Variants in SFT2D1 observed in about 807,000 individuals in gnomAD.
SFT2D1 encodes vesicle transport protein SFT2A.
In SFT2D1, 24 loss-of-function variants were observed where a neutral mutation model predicts 28.1. That is an observed-to-expected ratio of 0.85 (90% CI 0.62 to 1.20). The LOEUF is 1.20. SFT2D1 is among the 50% of genes most tolerant of loss of function. SFT2D1 has a pLI of 0.00. For synonymous variants in SFT2D1, 82 were observed against 73.7 expected (o/e 1.11, Z -0.58); for missense variants, 181 against 190.9 (o/e 0.95, Z 0.31).
At chr6:166,336,739 T>G (rs2114911611) in intron 1 of SFT2D1, among the ~76,000 whole-genome samples, 1 of 152,284 alleles carries the variant, frequency 6.6e-6, no homozygotes, top group South Asian at 2.1e-4. Context: ...TCAACTAATT[T>G]TTTAATTTTT....
chr6:166,328,110 T>G (rs1001156494), intron 4 of SFT2D1, among the ~76,000 whole-genome samples, 166 bp downstream of exon 4: 3 of 151,954 alleles, frequency 2.0e-5, no homozygotes, highest in Non-Finnish European at 2.9e-5. Context: ...ATATAATTAT[T>G]ATATTCAACA....
In SFT2D1 at chr6:166,324,312, A is replaced by T. The variant is rs1778405227; in HGVS notation, c.410+225T>A. On this transcript the variant is annotated intron_variant, in intron 6 of 7. Coordinates refer to ENST00000361731, the MANE Select transcript of SFT2D1 (RefSeq NM_145169.3). ...TTAGAAAAAAGCAGAACATATCACT[A>T]TGTAACTCTACGAGCACAGCACCCC... The T allele has an allele frequency of 2.0e-5, 9 of 455,792 alleles. No individual in the cohort carries two copies. In the East Asian group the frequency reaches 3.0e-4, roughly 15 times the overall value. 28.2% of individuals were successfully genotyped at this position (455,792 alleles called of 1,614,324 possible). A position where few individuals can be genotyped will look rare whatever the true frequency, so the allele number is the denominator to read the frequency against.
chr6:166,335,270 C>T, intron 1 of SFT2D1: 1 of 584,566 alleles, frequency 1.7e-6, no homozygotes, highest in South Asian at 1.4e-5. Flanking sequence ...GGCAGCTGTC[C>T]ACAGCGGTGG....
At chr6:166,320,819 A>G (rs1261787772) in intron 7 of SFT2D1, among the ~76,000 whole-genome samples, 1 of 152,200 alleles carries the variant, frequency 6.6e-6, no homozygotes, top group East Asian at 1.9e-4. Context: ...GCCCAGCCCA[A>G]AGATTTAATT....
At chr6:166,328,897 A>G (rs1778499879) in intron 3 of SFT2D1, among the ~76,000 whole-genome samples, 1 of 152,154 alleles carries the variant, frequency 6.6e-6, no homozygotes, top group Admixed American at 6.5e-5. Flanking sequence ...GGATTCTCAT[A>G]CTCCCAATAT....
At chr6:166,322,729 T>C in intron 7 of SFT2D1, 128 bp downstream of exon 7, 1 of 728,736 alleles carries the variant, frequency 1.4e-6, no homozygotes, top group Non-Finnish European at 2.2e-6. Flanking sequence ...TATTTCCTTT[T>C]AGGAAATTAA....
At chr6:166,330,477 T>C (rs1261369482) in intron 1 of SFT2D1, among the ~76,000 whole-genome samples, 1 of 152,198 alleles carries the variant, frequency 6.6e-6, no homozygotes. Context: ...TCTGATAATA[T>C]GTTTCACAAA....
chr6:166,322,728 T>C lies in SFT2D1; in HGVS notation c.440+129A>G, dbSNP rs182126237. The C allele has an allele frequency of 1.5e-4, 110 of 727,376 alleles. No individual in the cohort carries two copies. The African/African-American group carries it at 2.3e-3, about 15-fold the overall frequency. The allele number at this position is 727,376 out of a possible 1,614,324, so 45.1% of individuals were successfully genotyped here. A position where few individuals can be genotyped will look rare whatever the true frequency, so the allele number is the denominator to read the frequency against. Reference sequence around the variant, plus strand: ...AAAAAAAAAGTATGTTTATTTCCTTTTAGGAAATTAAAATCAACCAAAAAA... The same window carrying C: ...AAAAAAAAAGTATGTTTATTTCCTTCTAGGAAATTAAAATCAACCAAAAAA... On this transcript the variant is annotated intron_variant, in intron 7 of 7. Coordinates refer to ENST00000361731, the MANE Select transcript of SFT2D1 (RefSeq NM_145169.3).
chr6:166,330,030 A>G lies in SFT2D1; in HGVS notation c.150+131T>C, dbSNP rs1778521029. On this transcript the variant is annotated intron_variant, in intron 2 of 7. Coordinates refer to ENST00000361731, the MANE Select transcript of SFT2D1 (RefSeq NM_145169.3). ...TCATTGATCTCTACCCCTTTATTTTAGTTTAATAAATACCTTCCACCAAAA... is the reference window on the plus strand; with the variant it reads ...TCATTGATCTCTACCCCTTTATTTTGGTTTAATAAATACCTTCCACCAAAA... The G allele has an allele frequency of 5.0e-6, 3 of 604,544 alleles. No individual in the cohort carries two copies. The South Asian group carries it at 1.0e-4, about 21-fold the overall frequency. 37.4% of individuals were successfully genotyped at this position (604,544 alleles called of 1,614,324 possible). A position where few individuals can be genotyped will look rare whatever the true frequency, so the allele number is the denominator to read the frequency against.
chr6:166,332,314 G>A (rs978798575), intron 1 of SFT2D1, among the ~76,000 whole-genome samples: 3 of 152,172 alleles, frequency 2.0e-5, no homozygotes, highest in African/African-American at 7.2e-5. Context: ...TGTTGCTCAG[G>A]CGCCATCTCA....
chr6:166,334,957 T>C (rs1229470493), intron 1 of SFT2D1: 2 of 467,348 alleles, frequency 4.3e-6, no homozygotes, highest in Non-Finnish European at 8.2e-6. Flanking sequence ...TTGAACAGTA[T>C]GGAAAAACTG....
At chr6:166,324,002 C>A (rs1296059955) in intron 6 of SFT2D1, 2 of 147,196 alleles carry the variant, frequency 1.4e-5, no homozygotes, top group East Asian at 2.0e-4. Context: ...TGAGACTCTG[C>A]CTCAAAAAAA....
intron 5 of SFT2D1, 195 bp downstream of exon 5, chr6:166,325,937 T>C: frequency 1.6e-6 from 1 of 624,376 alleles, no homozygotes. Flanking sequence ...TGACTACCTC[T>C]ATGCTGTAGA....
chr6:166,331,193 A>G (rs1338169589), intron 1 of SFT2D1, among the ~76,000 whole-genome samples: 1 of 152,264 alleles, frequency 6.6e-6, no homozygotes, highest in Non-Finnish European at 1.5e-5. Context: ...CTAAAAAAGT[A>G]TCTATCAACA....
chr6:166,338,319 G>A (rs1456947421), intron 1 of SFT2D1, among the ~76,000 whole-genome samples: 5 of 152,104 alleles, frequency 3.3e-5, no homozygotes, highest in African/African-American at 1.2e-4. Flanking sequence ...TCATCTGTTT[G>A]TTCAACAAGT....
intron 7 of SFT2D1, among the ~76,000 whole-genome samples, chr6:166,321,951 T>C (rs1268580477): frequency 6.6e-6 from 1 of 152,234 alleles, no homozygotes; most frequent in Non-Finnish European, 1.5e-5. Flanking sequence ...TGGCACGATC[T>C]TGGCTCACTG....
chr6:166,324,826 T>TTA, intron 5 of SFT2D1: 1 of 506,006 alleles, frequency 2.0e-6, no homozygotes, highest in Non-Finnish European at 3.5e-6. Context: ...ATATATGACT[T>TTA]TAAATAAACG....
rs573018222 is a variant in SFT2D1 at position 166,329,204 on chromosome 6, A to T, written c.233+303T>A. Among the ~76,000 whole-genome samples the T allele has an allele frequency of 3.3e-5, 5 of 152,300 alleles. No individual in the cohort carries two copies. The East Asian group carries it at 9.6e-4, about 29-fold the overall frequency. ...CTGCTCTGTGCTATTATCTCCAGTT[A>T]TAAACGGGGATGATAATACTGCCTA... On this transcript the variant is annotated intron_variant, in intron 3 of 7. Transcript: ENST00000361731.
chr6:166,342,364 T>C, intron 1 of SFT2D1, 55 bp downstream of exon 1: 1 of 1,509,040 alleles, frequency 6.6e-7, no homozygotes, highest in Non-Finnish European at 8.9e-7. Context: ...CGGTCCTCAG[T>C]GCGGCCGGGG....
Sources: gnomAD v4.1 joint callset for allele counts (sites outside exome capture counted in the v4.1 genomes callset) on GRCh38, gnomAD v4.1.1 for gene constraint, MANE v1.5 for transcripts, NCBI Gene and HGNC (gene_info 2026-07-23, HGNC 2026-07-21) for gene names.